Variants in CALML6 observed in about 807,000 individuals in gnomAD.
The protein encoded by CALML6 is calmodulin like 6, also known as calmodulin-like protein 6.
In CALML6, 27 loss-of-function variants were observed where a neutral mutation model predicts 25.0. The ratio of observed to expected loss-of-function variants is 1.08; its 90% CI spans 0.80 to 1.49. The LOEUF is 1.49. Among genes scored for constraint, CALML6 ranks in the 40% most tolerant of loss-of-function variants. The pLI is 0.00. For synonymous variants in CALML6, 97 were observed against 87.2 expected (o/e 1.11, Z -0.63); for missense variants, 239 against 232.7 (o/e 1.03, Z -0.18).
chr1:1,915,360 G>A (rs1042397633), intron 1 of CALML6, 53 bp downstream of exon 1: 33 of 1,548,894 alleles, frequency 2.1e-5, no homozygotes, highest in Admixed American at 1.2e-4. Context: ...CTGGAGGGCC[G>A]CACCTCTGGG....
Position 1,917,197 on chromosome 1 carries a change from C to T in CALML6, c.*4C>T. On this transcript the variant is annotated 3_prime_UTR_variant, in exon 6 of 6. Coordinates refer to ENST00000307786, the MANE Select transcript of CALML6 (RefSeq NM_138705.4). Reference sequence around the variant, plus strand: ...GTCCTTCAAGCTGATCCAGTAGGTGCAGCTGCCGCAGCCGGGGGAGGCCTG... The same window carrying T: ...GTCCTTCAAGCTGATCCAGTAGGTGTAGCTGCCGCAGCCGGGGGAGGCCTG... The T allele has an allele frequency of 6.3e-7, 1 of 1,594,236 alleles. No homozygotes were observed. The highest frequency in any genetic ancestry group is 8.5e-7 in the Non-Finnish European group (1 of 1,172,644).
chr1:1,916,859 A>G lies in CALML6; in HGVS notation c.361A>G (p.Lys121Glu). ...ELRAAFRVFD[K>E]EGKGYIDWNT... Reference sequence around the variant, plus strand: ...GAGGGCGGCATTCCGTGTCTTTGACAAAGAGGGCAAGGGCTACATTGACTG... The same window carrying G: ...GAGGGCGGCATTCCGTGTCTTTGACGAAGAGGGCAAGGGCTACATTGACTG... Residue 121 changes from lysine to glutamate, a missense_variant, in exon 4 of 6, where the codon AAA becomes GAA. Coordinates refer to ENST00000307786, the MANE Select transcript of CALML6 (RefSeq NM_138705.4). The G allele has an allele frequency of 1.2e-6, 2 of 1,612,542 alleles. No individual in the cohort carries two copies. The highest frequency in any genetic ancestry group is 1.7e-6 in the Non-Finnish European group (2 of 1,179,692).
At chr1:1,915,820 CA>C in intron 2 of CALML6, 85 bp downstream of exon 2, 5 of 1,362,316 alleles carry the variant, frequency 3.7e-6, no homozygotes, top group Non-Finnish European at 5.2e-6. Flanking sequence ...AATGACCTGC[CA>C]CGGAGCCTGG....
Position 1,916,446 on chromosome 1 carries a change from G to A in CALML6, c.84G>A (p.Glu28=). 1 of 1,527,670 alleles carries A rather than the reference G, an allele frequency of 6.5e-7. No homozygotes were observed. The highest frequency in any genetic ancestry group is 8.8e-7 in the Non-Finnish European group (1 of 1,134,020). 94.6% of individuals were successfully genotyped at this position (1,527,670 alleles called of 1,614,324 possible). Reference sequence around the variant, plus strand: ...GGTGCGGGTGTCCCCTGCAGACAGAGCGCCTGTCGGCTGAGCAGATCAAGG... The same window carrying A: ...GGTGCGGGTGTCCCCTGCAGACAGAACGCCTGTCGGCTGAGCAGATCAAGG... ...ESCQTTTDMT[E]RLSAEQIKEY... Residue 28 remains glutamate (E), a synonymous_variant, in exon 3 of 6, where the codon GAG becomes GAA. Coordinates refer to ENST00000307786, the MANE Select transcript of CALML6 (RefSeq NM_138705.4).
chr1:1,915,813 G>T, intron 2 of CALML6, 78 bp downstream of exon 2: 2 of 1,416,194 alleles, frequency 1.4e-6, no homozygotes, highest in South Asian at 2.4e-5. Context: ...GAGGTGCAAT[G>T]ACCTGCCACG....
At chr1:1,916,171 C>G (rs928835182) in intron 2 of CALML6, 39 of 445,782 alleles carry the variant, frequency 8.7e-5, no homozygotes, top group South Asian at 3.8e-5. Context: ...CCGCCTGGCC[C>G]TGCAGCTGCT....
rs1243468325 is a variant in CALML6, at chr1:1,916,614, C to G, written c.252C>G (p.Asp84Glu). The G allele has an allele frequency of 6.2e-7, 1 of 1,603,434 alleles. No homozygotes were observed. Among genetic ancestry groups the G allele is most frequent in the Non-Finnish European group, 8.5e-7 (1 of 1,174,072 alleles). Residue 84 changes from aspartate (D) to glutamate (E), a missense_variant and splice_region_variant, in exon 3 of 6, where the codon GAC becomes GAG. Transcript: ENST00000307786. ...LASMAKDVDR[D>E]NKGFFNCDGF... The stretch of plus-strand genomic sequence containing the variant: ...CAATGGCCAAGGATGTGGACAGAGA[C>G]AGTGAGCTCATGGCTGGAGTGGGGT...
In CALML6 at chr1:1,916,528, G is replaced by C. The variant is rs1385416355; in HGVS notation, c.166G>C (p.Gly56Arg). The change falls in exon 3 of 6, where the codon GGG becomes CGG. Residue 56 changes from glycine (G) to arginine (R), a missense_variant. By Grantham distance (125) the Gly-to-Arg change is moderately radical. Coordinates refer to ENST00000307786, the MANE Select transcript of CALML6 (RefSeq NM_138705.4). ...AGAGGGCAACGGGGAGGTGAAGACG[G>C]GGGAGCTGGAGTGGCTCATGAGCCT... ...DEEGNGEVKTGELEWLMSLLG... is the reference protein window; with the variant it reads ...DEEGNGEVKTRELEWLMSLLG... 1.2e-6 allele frequency: 2 copies of C among 1,610,814 alleles called. No homozygotes were observed. The highest frequency in any genetic ancestry group is 4.5e-5 in the East Asian group (2 of 44,756).
In CALML6 at chr1:1,917,279, A is replaced by G. The variant is rs1651167957; in HGVS notation, c.*86A>G. Reference sequence around the variant, plus strand: ...CCCCACTCCCCCGGCTCCGTGTAAAATAAATGTTCCAGCCCAACCTGTGTG... The same window carrying G: ...CCCCACTCCCCCGGCTCCGTGTAAAGTAAATGTTCCAGCCCAACCTGTGTG... On this transcript the variant is annotated 3_prime_UTR_variant, in exon 6 of 6. Transcript: ENST00000307786. 7.7e-6 allele frequency: 11 copies of G among 1,424,260 alleles called. No homozygotes were observed. Among genetic ancestry groups the G allele is most frequent in the Non-Finnish European group, 1.0e-5 (11 of 1,047,666 alleles). 88.2% of individuals were successfully genotyped at this position (1,424,260 alleles called of 1,614,324 possible). A position where few individuals can be genotyped will look rare whatever the true frequency, so the allele number is the denominator to read the frequency against.
Position 1,916,757 on chromosome 1 carries a change from G to T in CALML6, c.259G>T (p.Gly87Trp). ...MAKDVDRDNK[G>W]FFNCDGFLAL... ...CCCAGCTGTGCCCCTTGCAGACAAA[G>T]GGTTCTTCAACTGCGATGGTTTCCT... The change falls in exon 4 of 6, where the codon GGG becomes TGG. Residue 87 changes from glycine (G) to tryptophan (W), a missense_variant. Around this residue, in one of 2 missense-constraint regions of CALML6, gnomAD observed 231 missense variants for 210.9 expected, o/e 1.10. Coordinates refer to ENST00000307786, the MANE Select transcript of CALML6 (RefSeq NM_138705.4). 6.2e-7 allele frequency: 1 copy of T among 1,613,518 alleles called. No individual in the cohort carries two copies. The highest frequency in any genetic ancestry group is 8.5e-7 in the Non-Finnish European group (1 of 1,180,010).
chr1:1,917,050 G>A lies in CALML6; in HGVS notation c.475G>A (p.Gly159Arg), dbSNP rs754318898. ...EQMMKEADKD[G>R]DRTIDYEEFV... ...GATGATGAAGGAGGCCGACAAGGAT[G>A]GGGACAGGACCATCGACTATGAGGG... Residue 159 changes from glycine to arginine, a missense_variant, in exon 5 of 6, where the codon GGG (glycine) becomes AGG (arginine). Physicochemically the swap from Gly to Arg is moderately radical, Grantham distance 125 (BLOSUM62 -2). Coordinates refer to ENST00000307786, the MANE Select transcript of CALML6 (RefSeq NM_138705.4). The A allele has an allele frequency of 4.3e-6, 7 of 1,610,484 alleles. No homozygotes were observed. The East Asian group carries it at 1.6e-4, about 36-fold the overall frequency.
rs539887260 is a variant in CALML6, at chr1:1,916,791, T to C, written c.293T>C (p.Met98Thr). Residue 98 changes from methionine to threonine, a missense_variant, in exon 4 of 6, where the codon ATG becomes ACG. By Grantham distance (81) the Met-to-Thr change is moderately conservative. Around this residue, in one of 2 missense-constraint regions of CALML6, gnomAD observed 231 missense variants for 210.9 expected, o/e 1.10. Coordinates refer to ENST00000307786, the MANE Select transcript of CALML6 (RefSeq NM_138705.4). ...FFNCDGFLAL[M>T]GVYHEKAQNQ... is the part of the protein sequence containing the mutation. The stretch of plus-strand genomic sequence containing the variant: ...AACTGCGATGGTTTCCTGGCACTAA[T>C]GGGAGTTTACCATGAGAAGGCCCAG... 3 of 1,613,574 alleles carry C rather than the reference T, an allele frequency of 1.9e-6. No homozygotes were observed. The highest frequency in any genetic ancestry group is 1.3e-5 in the African/African-American group (1 of 75,040).
chr1:1,916,445 A>C lies in CALML6; in HGVS notation c.83A>C (p.Glu28Ala). 1 of 1,527,248 alleles carries C rather than the reference A, an allele frequency of 6.5e-7. No individual in the cohort carries two copies. The highest frequency in any genetic ancestry group is 1.4e-5 in the African/African-American group (1 of 72,366). 94.6% of individuals were successfully genotyped at this position (1,527,248 alleles called of 1,614,324 possible). A position where few individuals can be genotyped will look rare whatever the true frequency, so the allele number is the denominator to read the frequency against. Residue 28 changes from glutamate to alanine, a missense_variant, in exon 3 of 6, where the codon GAG (glutamate) becomes GCG (alanine). By Grantham distance (107) the Glu-to-Ala change is moderately radical. Around this residue, in one of 2 missense-constraint regions of CALML6, gnomAD observed 231 missense variants for 210.9 expected, o/e 1.10. Coordinates refer to ENST00000307786, the MANE Select transcript of CALML6 (RefSeq NM_138705.4). ...ESCQTTTDMT[E>A]RLSAEQIKEY... ...CGGTGCGGGTGTCCCCTGCAGACAG[A>C]GCGCCTGTCGGCTGAGCAGATCAAG...
chr1:1,916,649 C>A, intron 3 of CALML6, 34 bp downstream of exon 3: 2 of 1,592,904 alleles, frequency 1.3e-6, no homozygotes, highest in South Asian at 2.2e-5. Flanking sequence ...TGGGCAGCCT[C>A]GGGGGGGCCC....
At position 1,917,073 on chromosome 1, in the gene CALML6, G is replaced by A; in HGVS notation, c.498G>A (p.Glu166=). The stretch of plus-strand genomic sequence containing the variant: ...ATGGGGACAGGACCATCGACTATGA[G>A]GGTGAGTGGCCTGGAGCCCTGGGAG... ...DKDGDRTIDY[E]EFVAMMTGES... is the part of the protein sequence containing the mutation. The change falls in exon 5 of 6, where the codon GAG becomes GAA. Residue 166 remains glutamate, a splice_region_variant and synonymous_variant. Coordinates refer to ENST00000307786, the MANE Select transcript of CALML6 (RefSeq NM_138705.4). The A allele has an allele frequency of 6.2e-7, 1 of 1,610,686 alleles. No individual in the cohort carries two copies. Among genetic ancestry groups the A allele is most frequent in the South Asian group, 1.1e-5 (1 of 90,680 alleles).
chr1:1,915,783 G>A, intron 2 of CALML6, 48 bp downstream of exon 2: 1 of 1,597,254 alleles, frequency 6.3e-7, no homozygotes, highest in South Asian at 1.1e-5. Flanking sequence ...GGCTGGCTGG[G>A]TAGGTTGAGC....
Position 1,917,272 on chromosome 1 carries a change from G to A in CALML6, c.*79G>A, listed in dbSNP as rs116373746. 1.7e-3 allele frequency: 2,408 copies of A among 1,439,568 alleles called. 19 individuals are homozygous for A. The African/African-American group carries it at 0.028, about 17-fold the overall frequency. 89.2% of individuals were successfully genotyped at this position (1,439,568 alleles called of 1,614,324 possible). On this transcript the variant is annotated 3_prime_UTR_variant, in exon 6 of 6. Coordinates refer to ENST00000307786, the MANE Select transcript of CALML6 (RefSeq NM_138705.4). ...CCCTGGCCCCCACTCCCCCGGCTCC[G>A]TGTAAAATAAATGTTCCAGCCCAAC...
chr1:1,915,964 G>A, intron 2 of CALML6: 1 of 592,364 alleles, frequency 1.7e-6, no homozygotes, highest in Non-Finnish European at 3.1e-6. Context: ...GTGGCAGGCA[G>A]GTGTGGCCCG....
intron 2 of CALML6, chr1:1,916,219 C>T (rs1651103852): frequency 2.0e-6 from 1 of 501,240 alleles, no homozygotes; most frequent in Non-Finnish European, 3.5e-6. Flanking sequence ...CTGTCTGGCC[C>T]TTGCCCCTGT....
Sources: gnomAD v4.1 joint callset for allele counts on GRCh38, gnomAD v4.1.1 for gene constraint, gnomAD v4.1.1 regional missense constraint, MANE v1.5 for transcripts, NCBI Gene and HGNC (gene_info 2026-07-23, HGNC 2026-07-21) for gene names.